Variants in MCF2L observed in about 807,000 individuals in gnomAD.
MCF2L encodes MCF.2 cell line derived transforming sequence like.
MCF2L carries 97 observed loss-of-function variants against 153.4 expected under a neutral mutation model. The observed-to-expected ratio is 0.63, with a 90% confidence interval of 0.54 to 0.75. The LOEUF is 0.75. Among genes scored for constraint, MCF2L ranks in the 30% least tolerant of loss-of-function variants. The pLI is 0.00. For missense variants in MCF2L, 1,347 were observed against 1,495.2 expected, an observed-to-expected ratio of 0.90 and a Z score of 1.64; for synonymous variants, 659 against 632.2, an observed-to-expected ratio of 1.04 and a Z score of -0.64.
intron 1 of MCF2L, chr13:112,979,340 C>T (rs991136373): frequency 3.0e-5 from 38 of 1,254,512 alleles, no homozygotes; most frequent in East Asian, 1.7e-4. Context: ...GCAGGCCCAG[C>T]GGCTGGGTTT....
At chr13:112,969,164 G>A (rs1487514934), upstream of MCF2L, 3 of 525,858 alleles carry the variant, frequency 5.7e-6, no homozygotes, top group South Asian at 9.1e-5. This position sits in a 1 kb window ranked among gnomAD's most constrained non-coding sequence, Gnocchi z 4.8. Context: ...CGCTTCCGCC[G>A]AGCCGCCCCC....
chr13:113,090,024 G>T (rs779518207), intron 26 of MCF2L: 1 of 1,597,684 alleles, frequency 6.3e-7, no homozygotes, highest in Non-Finnish European at 8.5e-7. Context: ...CCTCCGCATC[G>T]GGTTGCGATG....
intron 2 of MCF2L, among the ~76,000 whole-genome samples, chr13:112,922,809 T>C (rs772831722): frequency 5.3e-5 from 8 of 152,244 alleles, no homozygotes; most frequent in Non-Finnish European, 1.2e-4. Flanking sequence ...CACTCCAGCG[T>C]GGGCGACAGA....
At position 112,993,456 on chromosome 13, in the gene MCF2L, G is replaced by C. The variant is rs2082974816; in HGVS notation, c.80-21307G>C. Among the ~76,000 whole-genome samples, 1 of 152,188 alleles carries C rather than the reference G, an allele frequency of 6.6e-6. No individual in the cohort carries two copies. The highest frequency in any genetic ancestry group is 6.5e-5 in the Admixed American group (1 of 15,282). On this transcript the variant is annotated intron_variant, in intron 1 of 29. Transcript: ENST00000535094. This position sits in a 1 kb window ranked among gnomAD's most constrained non-coding sequence, Gnocchi z 4.6. ...TCAGCAAGGAAATCAGGGAGCAGGT[G>C]GCAGTCGGGAGGGACTGCATGGAAA...
upstream of MCF2L, chr13:112,968,527 T>G: frequency 6.4e-7 from 1 of 1,567,002 alleles, no homozygotes; most frequent in East Asian, 2.3e-5. Flanking sequence ...CCTGCGTCCT[T>G]GGGCAGGCGA....
At chr13:112,972,261 A>ATGGG (rs1429098935) in intron 1 of MCF2L, among the ~76,000 whole-genome samples, 1 of 145,794 alleles carries the variant, frequency 6.9e-6, no homozygotes, top group Non-Finnish European at 1.5e-5. Context: ...GGGTGGATGG[A>ATGGG]TGGGTGGGTG....
intron 2 of MCF2L, among the ~76,000 whole-genome samples, chr13:112,931,360 G>A (rs1566645613): frequency 3.3e-5 from 5 of 152,214 alleles, no homozygotes; most frequent in South Asian, 2.1e-4. Context: ...GATACAGGTC[G>A]GCAGTGCTGA....
intron 1 of MCF2L, among the ~76,000 whole-genome samples, chr13:112,898,216 C>T (rs975917288): frequency 1.3e-5 from 2 of 152,204 alleles, no homozygotes; most frequent in Admixed American, 6.5e-5. Flanking sequence ...TGTGTGACCG[C>T]CAGCTCACTG....
chr13:113,056,440 G>T (rs377177438), intron 4 of MCF2L, among the ~76,000 whole-genome samples: 2,318 of 150,356 alleles, frequency 0.015, 37 homozygotes, highest in African/African-American at 0.054. Flanking sequence ...GGTGCTGAGT[G>T]TTTCGGCGCT....
At chr13:113,017,265 A>G (rs1410394722) in intron 2 of MCF2L, among the ~76,000 whole-genome samples, 1 of 152,140 alleles carries the variant, frequency 6.6e-6, no homozygotes, top group Non-Finnish European at 1.5e-5. Context: ...GACCGAAACA[A>G]CTGGGGCTCG....
At chr13:112,900,732 A>G (rs2081111822) in intron 1 of MCF2L, among the ~76,000 whole-genome samples, 1 of 151,718 alleles carries the variant, frequency 6.6e-6, no homozygotes, top group Non-Finnish European at 1.5e-5. Context: ...TGGGTTGGCG[A>G]TGGGTATCAC....
chr13:113,033,977 C>G (rs963627171), intron 3 of MCF2L: 4 of 167,132 alleles, frequency 2.4e-5, no homozygotes, highest in African/African-American at 9.7e-5. Flanking sequence ...CCACCTCCCC[C>G]CGAGGTCCTC....
rs991719990 is a variant in MCF2L at position 112,983,610 on chromosome 13, G to A, written c.79+14152G>A. Among the ~76,000 whole-genome samples the A allele has an allele frequency of 6.6e-6, 1 of 152,250 alleles. No individual in the cohort carries two copies. Among genetic ancestry groups the A allele is most frequent in the Non-Finnish European group, 1.5e-5 (1 of 68,046 alleles). ...GAGCCGGGAGGAGCGTCAGATGCCT[G>A]TGGCCTCTTTACAGCTCTGTCCCCT... On this transcript the variant is annotated intron_variant, in intron 1 of 29. Coordinates refer to ENST00000535094, the MANE Select transcript of MCF2L (RefSeq NM_001112732.3). The surrounding 1 kb of genome is among the most constrained non-coding windows in gnomAD (Gnocchi z 4.0).
chr13:113,058,158 G>C (rs542655662), intron 4 of MCF2L, among the ~76,000 whole-genome samples: 1 of 146,082 alleles, frequency 6.8e-6, no homozygotes, highest in East Asian at 2.1e-4. Flanking sequence ...GTGTTTGGGC[G>C]CTGAGTGTTT....
chr13:112,976,993 T>C (rs1177310221), intron 1 of MCF2L, among the ~76,000 whole-genome samples: 1 of 152,134 alleles, frequency 6.6e-6, no homozygotes, highest in Non-Finnish European at 1.5e-5. Context: ...CCCCACGCTT[T>C]ACTGAGAGAG....
intron 3 of MCF2L, among the ~76,000 whole-genome samples, chr13:113,033,381 G>T (rs200361957): frequency 4.0e-5 from 4 of 98,968 alleles, no homozygotes; most frequent in African/African-American, 4.0e-5. Context: ...CCCGTGACGT[G>T]AGTGGCCCCC....
rs1335371363 is a variant in MCF2L at position 113,012,407 on chromosome 13, C to T, written c.80-2356C>T. Among the ~76,000 whole-genome samples the T allele has an allele frequency of 8.7e-4, 63 of 72,768 alleles. 6 individuals carry two copies. The highest frequency in any genetic ancestry group is 3.0e-3 in the African/African-American group (58 of 19,640). The allele number at this position is 72,768 out of a possible 152,430, so 47.7% of individuals were successfully genotyped here. A position where few individuals can be genotyped will look rare whatever the true frequency, so the allele number is the denominator to read the frequency against. ...AGTGTGGACGGTGGACACTGTGATG[C>T]GGACGGTGGACAGGCAGTGTGGACG... is the stretch of plus-strand genomic sequence containing the variant. On this transcript the variant is annotated intron_variant, in intron 1 of 29. Transcript: ENST00000535094.
chr13:112,897,072 C>T (rs1594290033), intron 1 of MCF2L, among the ~76,000 whole-genome samples: 1 of 152,146 alleles, frequency 6.6e-6, no homozygotes, highest in East Asian at 1.9e-4. Flanking sequence ...GTCTTTAGTG[C>T]GTGGCCAGCT....
intron 3 of MCF2L, 177 bp downstream of exon 3, chr13:113,024,935 G>A: frequency 1.7e-6 from 1 of 598,516 alleles, no homozygotes; most frequent in Admixed American, 2.6e-5. Flanking sequence ...TCCCCATCAT[G>A]CGGTCCCCGT....
Sources: gnomAD v4.1 joint callset for allele counts (sites outside exome capture counted in the v4.1 genomes callset) on GRCh38, gnomAD v4.1.1 for gene constraint, Gnocchi (gnomAD v3.1) non-coding constraint, MANE v1.5 for transcripts, NCBI Gene and HGNC (gene_info 2026-07-23, HGNC 2026-07-21) for gene names.